Variants in CFDP1 observed in about 807,000 individuals in gnomAD.
The protein encoded by CFDP1 is heterochromatin-stabilizing protein CFDP1.
In CFDP1, 31 loss-of-function variants were observed where a neutral mutation model predicts 40.1. The observed-to-expected ratio is 0.77, with a 90% CI of 0.58 to 1.04. The LOEUF (loss-of-function observed/expected upper bound fraction) is 1.04. Ranked by LOEUF, CFDP1 falls within the 50% of genes least tolerant of loss-of-function variation. CFDP1 has a pLI of 0.00. For missense variants in CFDP1, 423 were observed against 343.4 expected (o/e 1.23, Z -1.83); for synonymous variants, 167 against 120.0 (o/e 1.39, Z -2.56).
At chr16:75,400,274 G>A (rs151106893) in intron 4 of CFDP1, among the ~76,000 whole-genome samples, 7 of 131,472 alleles carry the variant, frequency 5.3e-5, no homozygotes, top group African/African-American at 1.6e-4. Flanking sequence ...GTGAGACCCT[G>A]TCTCAAAACA....
intron 5 of CFDP1, among the ~76,000 whole-genome samples, chr16:75,324,011 T>C (rs1246898624): frequency 6.6e-6 from 1 of 152,210 alleles, no homozygotes; most frequent in African/African-American, 2.4e-5. Flanking sequence ...AGGGTAATGA[T>C]TAAATGAGAT....
At chr16:75,381,437 G>A (rs1170101929) in intron 5 of CFDP1, among the ~76,000 whole-genome samples, 3 of 152,196 alleles carry the variant, frequency 2.0e-5, no homozygotes, top group Non-Finnish European at 2.9e-5. Context: ...GAGTTAAAAG[G>A]ACTCATTGGA....
chr16:75,366,651 C>T (rs200790834), intron 5 of CFDP1, among the ~76,000 whole-genome samples: 3 of 151,860 alleles, frequency 2.0e-5, no homozygotes, highest in African/African-American at 4.8e-5. Flanking sequence ...ACAAAAAAAC[C>T]GTTATAGGGA....
intron 5 of CFDP1, among the ~76,000 whole-genome samples, chr16:75,364,879 TTTGAGAACCAC>T (rs77261456): frequency 0.51 from 77,886 of 151,556 alleles, 20,928 homozygotes; most frequent in Admixed American, 0.64. Context: ...GACCAAAGAG[TTTGAGAACCAC>T]TAAACATTTA....
intron 5 of CFDP1, among the ~76,000 whole-genome samples, chr16:75,311,986 A>G (rs544083250): frequency 3.6e-4 from 55 of 152,276 alleles, no homozygotes; most frequent in African/African-American, 1.3e-3. Context: ...ACTCTCTGAG[A>G]AACAGGATGA....
intron 5 of CFDP1, among the ~76,000 whole-genome samples, chr16:75,392,265 C>T (rs2078958663): frequency 6.6e-6 from 1 of 151,038 alleles, no homozygotes; most frequent in Middle Eastern, 3.2e-3. Flanking sequence ...ATTAGCCAGG[C>T]GTGGCAGCAC....
chr16:75,362,660 G>T (rs1238882026), intron 5 of CFDP1, among the ~76,000 whole-genome samples: 1 of 151,982 alleles, frequency 6.6e-6, no homozygotes, highest in East Asian at 1.9e-4. Flanking sequence ...CATTCCTTCA[G>T]GTGTTATAAA....
chr16:75,342,967 TGGCACCCCCTCA>T (rs750010063), intron 5 of CFDP1, among the ~76,000 whole-genome samples: 5 of 152,138 alleles, frequency 3.3e-5, no homozygotes, highest in African/African-American at 4.8e-5. Flanking sequence ...CTAGGTGAGA[TGGCACCCCCTCA>T]ATCCAATGGG....
Position 75,295,001 on chromosome 16 carries a change from C to T in CFDP1, c.810-959G>A, listed in dbSNP as rs566423881. ...TTTGCCTGGGCGGAGGAGATCTCTG[C>T]TGCTAATTAATCTATGGAGAGAGCA... On this transcript the variant is annotated intron_variant, in intron 6 of 6. Coordinates refer to ENST00000283882, the MANE Select transcript of CFDP1 (RefSeq NM_006324.3). Among the ~76,000 whole-genome samples, 7 of 152,336 alleles carry T rather than the reference C, an allele frequency of 4.6e-5. No individual in the cohort carries two copies. In the South Asian group the frequency reaches 1.0e-3, roughly 23 times the overall value.
intron 5 of CFDP1, chr16:75,321,769 C>T (rs980881511): frequency 1.6e-4 from 25 of 152,194 alleles, no homozygotes; most frequent in African/African-American, 6.0e-4. Context: ...ACACATCTCT[C>T]AGTTGGTATC....
chr16:75,305,043 G>T lies in CFDP1; in HGVS notation c.790C>A (p.His264Asn). 1 of 1,613,996 alleles carries T rather than the reference G, an allele frequency of 6.2e-7. No homozygotes were observed. The highest frequency in any genetic ancestry group is 8.5e-7 in the Non-Finnish European group (1 of 1,179,980). Residue 264 changes from histidine (H) to asparagine (N), a missense_variant, in exon 6 of 7, where the codon CAT (histidine) becomes AAT (asparagine). Transcript: ENST00000283882. ...TCTTACCCCTCTTTCCCTCGATTAT[G>T]GATGGCCAGTTCTTCACCAATCCCC... ...EEGIGEELAIHNRGKEGYIER... is the reference protein window; with the variant it reads ...EEGIGEELAINNRGKEGYIER...
chr16:75,308,409 T>C (rs1196857980), intron 5 of CFDP1, among the ~76,000 whole-genome samples: 1 of 152,210 alleles, frequency 6.6e-6, no homozygotes, highest in African/African-American at 2.4e-5. Context: ...CCTTGTCTTA[T>C]GTTCTGCTTT....
chr16:75,313,389 G>C (rs1374225198), intron 5 of CFDP1, among the ~76,000 whole-genome samples: 1 of 152,202 alleles, frequency 6.6e-6, no homozygotes, highest in Non-Finnish European at 1.5e-5. Context: ...GAGTGCAGTG[G>C]CGTGGTCTCG....
intron 5 of CFDP1, among the ~76,000 whole-genome samples, chr16:75,391,733 G>T (rs2078952958): frequency 1.3e-5 from 2 of 152,136 alleles, no homozygotes; most frequent in Admixed American, 1.3e-4. Flanking sequence ...CAGCACTTTG[G>T]GAGGCTGAGG....
chr16:75,401,116 A>C (rs930205466), intron 4 of CFDP1, among the ~76,000 whole-genome samples: 8 of 152,072 alleles, frequency 5.3e-5, no homozygotes, highest in African/African-American at 1.4e-4. Flanking sequence ...AACATGGTGA[A>C]ACCCTGTCTC....
At chr16:75,370,289 C>T (rs1567659724) in intron 5 of CFDP1, among the ~76,000 whole-genome samples, 1 of 151,768 alleles carries the variant, frequency 6.6e-6, no homozygotes, top group African/African-American at 2.4e-5. Flanking sequence ...GATGGGGTTT[C>T]GCCATGTTGG....
chr16:75,310,520 T>A (rs1025423676), intron 5 of CFDP1, among the ~76,000 whole-genome samples: 2 of 152,338 alleles, frequency 1.3e-5, no homozygotes, highest in East Asian at 3.9e-4. Flanking sequence ...TGCTTCTCTT[T>A]AGCAAAAGAA....
intron 5 of CFDP1, among the ~76,000 whole-genome samples, chr16:75,325,712 A>G (rs1194128447): frequency 6.6e-6 from 1 of 152,256 alleles, no homozygotes; most frequent in Non-Finnish European, 1.5e-5. Flanking sequence ...GAAAGAATGT[A>G]TGGATCTTGG....
At chr16:75,397,326 C>A (rs145324065) in intron 4 of CFDP1, among the ~76,000 whole-genome samples, 2,596 of 151,164 alleles carry the variant, frequency 0.017, 65 homozygotes, top group African/African-American at 0.059. Context: ...ACCAGCCTGG[C>A]CAACATGATG....
Sources: gnomAD v4.1 joint callset for allele counts (sites outside exome capture counted in the v4.1 genomes callset) on GRCh38, gnomAD v4.1.1 for gene constraint, MANE v1.5 for transcripts, NCBI Gene and HGNC (gene_info 2026-07-23, HGNC 2026-07-21) for gene names.